The following MLIP variants were observed in gnomAD, a reference collection of about 807,000 sequenced individuals.
MLIP encodes the protein muscular LMNA interacting protein, also known as muscular LMNA-interacting protein.
In MLIP, 79 loss-of-function variants were observed where a neutral mutation model predicts 84.8. That is an observed-to-expected ratio of 0.93 (90% CI 0.78 to 1.12). The LOEUF is 1.12. MLIP is among the 50% of genes most tolerant of loss of function. The probability of loss-of-function intolerance (pLI) is 0.00; values close to 1 mark genes in which losing one functional copy is unlikely to be tolerated. For synonymous variants in MLIP, 504 were observed against 463.0 expected (o/e 1.09, Z -1.14); for missense variants, 1,257 against 1,160.6 (o/e 1.08, Z -1.21).
chr6:54,087,240 C>T (rs948128973), intron 1 of MLIP, among the ~76,000 whole-genome samples: 1 of 152,138 alleles, frequency 6.6e-6, no homozygotes, highest in Non-Finnish European at 1.5e-5. Flanking sequence ...AGCTGTGCCT[C>T]TTCTGTGACT....
chr6:54,083,529 G>T, intron 1 of MLIP: 15 of 1,535,740 alleles, frequency 9.8e-6, no homozygotes, highest in Non-Finnish European at 1.3e-5. Flanking sequence ...TGACCTTGCC[G>T]TTACAACCAC....
At chr6:54,179,479 T>C (rs1776635487) in intron 9 of MLIP, among the ~76,000 whole-genome samples, 1 of 152,110 alleles carries the variant, frequency 6.6e-6, no homozygotes, top group Admixed American at 6.6e-5. Context: ...CTCTTTTTTC[T>C]TTTCCTTTTT....
intron 1 of MLIP, chr6:54,041,050 C>T (rs1764713705): frequency 6.6e-6 from 1 of 152,042 alleles, no homozygotes; most frequent in Non-Finnish European, 1.5e-5. Context: ...CCTGCATATA[C>T]ACCACCTGAA....
intron 10 of MLIP, among the ~76,000 whole-genome samples, chr6:54,200,604 G>C (rs1287141214): frequency 8.6e-6 from 1 of 116,914 alleles, no homozygotes; most frequent in Non-Finnish European, 1.7e-5. Context: ...GAACTGCCTG[G>C]ACGTTTTTTT....
chr6:54,230,667 AC>A, intron 11 of MLIP, 46 bp from the exon 12 acceptor site: 1 of 1,586,186 alleles, frequency 6.3e-7, no homozygotes, highest in Non-Finnish European at 8.6e-7. Flanking sequence ...AGCGTGCTTG[AC>A]TTTTTTATGC....
chr6:54,026,447 C>G (rs902981112), intron 1 of MLIP, among the ~76,000 whole-genome samples: 7 of 152,226 alleles, frequency 4.6e-5, no homozygotes, highest in Non-Finnish European at 7.4e-5. Context: ...TAATTTCTTT[C>G]TGGCCTCTTC....
intron 12 of MLIP, among the ~76,000 whole-genome samples, chr6:54,245,513 G>T (rs976877967): frequency 2.6e-5 from 4 of 152,186 alleles, no homozygotes; most frequent in Non-Finnish European, 5.9e-5. Flanking sequence ...TGAATGCGCA[G>T]TAGAAGGAGG....
intron 13 of MLIP, among the ~76,000 whole-genome samples, chr6:54,263,380 T>C (rs546908181): frequency 6.6e-6 from 1 of 152,168 alleles, no homozygotes; most frequent in African/African-American, 2.4e-5. Flanking sequence ...CCAGATTTTA[T>C]CTTTTTTCAC....
At chr6:54,174,291 C>T (rs1776062433) in intron 9 of MLIP, among the ~76,000 whole-genome samples, 1 of 151,716 alleles carries the variant, frequency 6.6e-6, no homozygotes, top group Non-Finnish European at 1.5e-5. Flanking sequence ...GTAGCTCTTT[C>T]TTTTTCATTT....
intron 11 of MLIP, among the ~76,000 whole-genome samples, chr6:54,224,265 A>G (rs1423921159): frequency 1.3e-5 from 2 of 152,080 alleles, no homozygotes; most frequent in Non-Finnish European, 2.9e-5. Context: ...AAACATGAAA[A>G]TAACTAACAA....
intron 9 of MLIP, among the ~76,000 whole-genome samples, chr6:54,183,476 A>T (rs1033551334): frequency 6.6e-6 from 1 of 152,122 alleles, no homozygotes; most frequent in Non-Finnish European, 1.5e-5. Flanking sequence ...GATTTCATCA[A>T]ATGGGAAGGT....
intron 9 of MLIP, among the ~76,000 whole-genome samples, chr6:54,180,300 T>C (rs1016156516): frequency 2.6e-5 from 4 of 152,190 alleles, no homozygotes; most frequent in Admixed American, 2.6e-4. Flanking sequence ...TGAGGTCATC[T>C]TCCTTGGGTT....
intron 1 of MLIP, among the ~76,000 whole-genome samples, chr6:54,117,742 C>T (rs1023664032): frequency 2.6e-5 from 4 of 151,246 alleles, no homozygotes; most frequent in Non-Finnish European, 5.9e-5. Context: ...ATCAGGAGAT[C>T]GACACCATCC....
At chr6:54,020,939 G>A (rs1763464747) in intron 1 of MLIP, among the ~76,000 whole-genome samples, 2 of 152,208 alleles carry the variant, frequency 1.3e-5, no homozygotes, top group Middle Eastern at 3.2e-3. Context: ...CAAGCAAATA[G>A]AGTTAAGGAA....
intron 1 of MLIP, among the ~76,000 whole-genome samples, chr6:54,031,950 A>G (rs1304940255): frequency 6.6e-6 from 1 of 152,164 alleles, no homozygotes; most frequent in East Asian, 1.9e-4. Context: ...AGAATTGCAG[A>G]TTTTGTCATT....
chr6:54,113,623 T>G (rs936415475), intron 1 of MLIP, among the ~76,000 whole-genome samples: 1 of 152,238 alleles, frequency 6.6e-6, no homozygotes, highest in Non-Finnish European at 1.5e-5. Flanking sequence ...TGTCTCACAG[T>G]TCCTTGATCT....
At chr6:54,149,851 C>T (rs551460567) in intron 5 of MLIP, among the ~76,000 whole-genome samples, 33 of 152,050 alleles carry the variant, frequency 2.2e-4, no homozygotes, top group South Asian at 2.1e-4. Context: ...AAATATGTTA[C>T]GCATGTTTAA....
chr6:54,087,223 A>T (rs542979797), intron 1 of MLIP, among the ~76,000 whole-genome samples: 1 of 152,290 alleles, frequency 6.6e-6, no homozygotes, highest in African/African-American at 2.4e-5. Flanking sequence ...CCAAAACAAC[A>T]ACCTATAGCT....
upstream of MLIP, among the ~76,000 whole-genome samples, chr6:54,110,565 T>C (rs1769377932): frequency 6.6e-6 from 1 of 152,236 alleles, no homozygotes. Context: ...CTCATTATGT[T>C]TCCATAATCT....
Sources: allele counts gnomAD v4.1 joint callset (sites outside exome capture counted in the v4.1 genomes callset), GRCh38; gene constraint gnomAD v4.1.1; transcripts MANE v1.5; gene names NCBI Gene and HGNC (gene_info 2026-07-23, HGNC 2026-07-21).